UBXN8: variants seen among roughly 807,000 people sequenced by gnomAD.
The protein encoded by UBXN8 is UBX domain protein 8, also known as UBX domain-containing protein 8.
In UBXN8, 27 loss-of-function variants were observed where a neutral mutation model predicts 32.1. That is an observed-to-expected ratio of 0.84 (90% CI 0.62 to 1.16). The LOEUF is 1.16. Among genes scored for constraint, UBXN8 ranks in the 50% most tolerant of loss-of-function variants. The pLI is 0.00. For missense variants in UBXN8, 306 were observed against 311.4 expected, an observed-to-expected ratio of 0.98 and a Z score of 0.13; for synonymous variants, 109 against 111.8, an observed-to-expected ratio of 0.98 and a Z score of 0.16.
At chr8:30,739,030 G>T (rs77090449) in intron 1 of UBXN8, among the ~76,000 whole-genome samples, 2,971 of 150,780 alleles carry the variant, frequency 0.02, 139 homozygotes, top group African/African-American at 0.068. Context: ...CAAAATTAAA[G>T]AGATGGATTT....
chr8:30,746,014 G>A (rs1016483294), intron 1 of UBXN8, among the ~76,000 whole-genome samples: 17 of 152,220 alleles, frequency 1.1e-4, no homozygotes, highest in African/African-American at 4.1e-4. Context: ...GCCACCCAGA[G>A]TGCTGGGATT....
intron 1 of UBXN8, chr8:30,733,897 C>T (rs934096979): frequency 3.3e-5 from 5 of 152,176 alleles, no homozygotes; most frequent in African/African-American, 7.2e-5. Flanking sequence ...TTCGGAGTAG[C>T]GGTTTTTGTG....
chr8:30,763,967 G>T (rs985679606), intron 7 of UBXN8, among the ~76,000 whole-genome samples: 10 of 152,022 alleles, frequency 6.6e-5, no homozygotes, highest in African/African-American at 2.4e-4. Context: ...CTCCAGCCTG[G>T]GTGACAGAGC....
At chr8:30,751,047 G>A (rs1289996338) in intron 1 of UBXN8, among the ~76,000 whole-genome samples, 2 of 152,114 alleles carry the variant, frequency 1.3e-5, no homozygotes, top group African/African-American at 2.4e-5. Flanking sequence ...TTATATCAGG[G>A]ACTTGAGCAT....
intron 1 of UBXN8, among the ~76,000 whole-genome samples, chr8:30,750,527 C>G (rs1260675615): frequency 6.6e-6 from 1 of 151,650 alleles, no homozygotes; most frequent in Non-Finnish European, 1.5e-5. Context: ...AATCCCAGAA[C>G]TTTGGCAGGC....
chr8:30,747,639 T>C lies in UBXN8; in HGVS notation c.88+3362T>C, dbSNP rs953699361. ...ATGGTTTCTTTACATACCAATACTCTAGATATTAAACTACTTTTGTATTGG... is the reference window on the plus strand; with the variant it reads ...ATGGTTTCTTTACATACCAATACTCCAGATATTAAACTACTTTTGTATTGG... On this transcript the variant is annotated intron_variant, in intron 1 of 7. Transcript: ENST00000265616. 1.4e-5 allele frequency among the ~76,000 whole-genome samples: 2 copies of C among 140,990 alleles called. 1 individual carries two copies. Among genetic ancestry groups the C allele is most frequent in the African/African-American group, 5.5e-5 (2 of 36,540 alleles). 92.5% of individuals were successfully genotyped at this position (140,990 alleles called of 152,430 possible).
At chr8:30,766,010 CAA>C (rs35768128) in intron 7 of UBXN8, among the ~76,000 whole-genome samples, 14 of 133,742 alleles carry the variant, frequency 1.0e-4, no homozygotes, top group South Asian at 2.5e-4. Context: ...ACTCCCATCT[CAA>C]AAAAAAAAAA....
Position 30,758,874 on chromosome 8 carries a change from T to G in UBXN8, c.528+1987T>G, listed in dbSNP as rs547293636. On this transcript the variant is annotated intron_variant, in intron 5 of 7. Transcript: ENST00000265616. Reference sequence around the variant, plus strand: ...AGATGAAGTCATTGGTAACAAATGTTTTTTTTGTTTGTTTTTTTTGTTTTT... The same window carrying G: ...AGATGAAGTCATTGGTAACAAATGTGTTTTTTGTTTGTTTTTTTTGTTTTT... 3.7e-4 allele frequency among the ~76,000 whole-genome samples: 40 copies of G among 109,260 alleles called. No homozygotes were observed. The South Asian group carries it at 0.013, about 34-fold the overall frequency. 71.7% of individuals were successfully genotyped at this position (109,260 alleles called of 152,430 possible). A position where few individuals can be genotyped will look rare whatever the true frequency, so the allele number is the denominator to read the frequency against.
rs1805089748 is a variant in UBXN8 at position 30,737,380 on chromosome 8, A to G, written c.622+4072A>G. The stretch of plus-strand genomic sequence containing the variant: ...ACACATAATGGAGGGCAATCTGCTT[A>G]CTCAGAGTTAAGTGATTTAAATGTT... On this transcript the variant is annotated intron_variant, in intron 1 of 1. Transcript: ENST00000522968. Among the ~76,000 whole-genome samples the G allele has an allele frequency of 2.0e-5, 3 of 152,274 alleles. 1 individual carries two copies. The South Asian group carries it at 6.2e-4, about 32-fold the overall frequency.
At chr8:30,758,881 G>GTTGTTTTTTTTT (rs1563564557) in intron 5 of UBXN8, among the ~76,000 whole-genome samples, 4 of 123,164 alleles carry the variant, frequency 3.2e-5, no homozygotes, top group Admixed American at 9.6e-5. Context: ...TGTTTTTTTT[G>GTTGTTTTTTTTT]TTTGTTTTTT....
intron 2 of UBXN8, 43 bp from the exon 3 acceptor site, chr8:30,752,992 A>G: frequency 6.7e-7 from 1 of 1,482,122 alleles, no homozygotes; most frequent in Non-Finnish European, 8.9e-7. Flanking sequence ...TTCAAATAAG[A>G]TACTTGGGAA....
At chr8:30,748,284 C>T (rs1226954918) in intron 1 of UBXN8, among the ~76,000 whole-genome samples, 2 of 151,304 alleles carry the variant, frequency 1.3e-5, no homozygotes, top group African/African-American at 2.4e-5. Context: ...AACCACCATG[C>T]CCAAGAAAGG....
chr8:30,744,384 T>A, intron 1 of UBXN8, 107 bp downstream of exon 1: 1 of 1,102,352 alleles, frequency 9.1e-7, no homozygotes, highest in Non-Finnish European at 1.3e-6. Flanking sequence ...CAGCTTTGAC[T>A]ACAACTCCCA....
upstream of UBXN8, among the ~76,000 whole-genome samples, chr8:30,741,009 TC>T (rs920903426): frequency 4.6e-5 from 7 of 152,326 alleles, no homozygotes; most frequent in African/African-American, 1.7e-4. Context: ...AACTTCAATT[TC>T]TTCACCTTGT....
At chr8:30,747,116 C>T (rs13272779) in intron 1 of UBXN8, among the ~76,000 whole-genome samples, 1 of 138,824 alleles carries the variant, frequency 7.2e-6, no homozygotes, top group Non-Finnish European at 1.5e-5. Flanking sequence ...GATCACACCA[C>T]TGCACTCCAG....
At chr8:30,743,468 C>T (rs1304509760), upstream of UBXN8, among the ~76,000 whole-genome samples, 1 of 152,102 alleles carries the variant, frequency 6.6e-6, no homozygotes, top group African/African-American at 2.4e-5. Flanking sequence ...AAGATAATTT[C>T]CAAGTACGAA....
At chr8:30,755,256 G>T (rs747339399) in intron 4 of UBXN8, among the ~76,000 whole-genome samples, 23 of 151,970 alleles carry the variant, frequency 1.5e-4, no homozygotes, top group Non-Finnish European at 1.5e-4. Context: ...AGCCCAGCTG[G>T]TCTTTGTTTT....
chr8:30,760,864 C>T, intron 5 of UBXN8, 24 bp from the exon 6 acceptor site: 4 of 1,493,124 alleles, frequency 2.7e-6, no homozygotes, highest in South Asian at 2.5e-5. Context: ...TGTTTACATT[C>T]CTCTTACCAA....
rs1163671256 is a variant in UBXN8, at chr8:30,760,920, A to G, written c.561A>G (p.Thr187=). 7.8e-6 allele frequency: 12 copies of G among 1,534,320 alleles called. No individual in the cohort carries two copies. Among genetic ancestry groups the G allele is most frequent in the Non-Finnish European group, 1.1e-5 (12 of 1,138,032 alleles). The change falls in exon 6 of 8, where the codon ACA becomes ACG. Residue 187 remains threonine, a synonymous_variant. Transcript: ENST00000265616. ...IPDLPEEPSQ[T]AEEVVTVALR... Reference sequence around the variant, plus strand: ...ATTTACCTGAAGAACCTTCTCAAACAGCAGAAGAAGTAAGTCTATTTTTCT... The same window carrying G: ...ATTTACCTGAAGAACCTTCTCAAACGGCAGAAGAAGTAAGTCTATTTTTCT...
Sources: allele counts gnomAD v4.1 joint callset (sites outside exome capture counted in the v4.1 genomes callset), GRCh38; gene constraint gnomAD v4.1.1; transcripts MANE v1.5; gene names NCBI Gene and HGNC (gene_info 2026-07-23, HGNC 2026-07-21).